Variants in DTD1 observed in about 807,000 individuals in gnomAD.
DTD1 encodes the protein D-tyrosyl-tRNA deacylase 1 homolog.
In DTD1, 13 loss-of-function variants were observed where a neutral mutation model predicts 25.6. That is an observed-to-expected ratio of 0.51 (90% CI 0.33 to 0.81). The LOEUF is 0.81. DTD1 is among the 30% of genes least tolerant of loss of function. DTD1 has a pLI of 0.02. For missense variants in DTD1, 193 were observed against 266.4 expected (o/e 0.72, Z 1.92); for synonymous variants, 110 against 103.6 (o/e 1.06, Z -0.37).
At chr20:18,748,193 A>T (rs980087003) in intron 5 of DTD1, among the ~76,000 whole-genome samples, 2 of 152,114 alleles carry the variant, frequency 1.3e-5, no homozygotes, top group Admixed American at 1.3e-4. Flanking sequence ...ACACACACAC[A>T]CACACAAATA....
chr20:18,710,239 A>G (rs1048441215), intron 4 of DTD1, among the ~76,000 whole-genome samples: 2 of 152,200 alleles, frequency 1.3e-5, no homozygotes, highest in African/African-American at 4.8e-5. Flanking sequence ...GTCTTATCCT[A>G]ATAAAATTTT....
At chr20:18,588,866 C>T in intron 1 of DTD1, 3 of 985,226 alleles carry the variant, frequency 3.0e-6, no homozygotes, top group Non-Finnish European at 3.6e-6. Context: ...ATAAAGTAGT[C>T]GTTTTAAGAA....
chr20:18,591,503 T>G (rs932130786), intron 1 of DTD1, among the ~76,000 whole-genome samples: 13 of 152,162 alleles, frequency 8.5e-5, no homozygotes, highest in Admixed American at 4.6e-4. Flanking sequence ...TATGCAATAT[T>G]ATTATAAAAA....
intron 4 of DTD1, chr20:18,698,484 G>GCAT (rs1237394814): frequency 6.6e-6 from 1 of 152,236 alleles, no homozygotes; most frequent in African/African-American, 2.4e-5. Context: ...CATGCGTTAA[G>GCAT]CATCCCCTGT....
chr20:18,740,630 G>A (rs1382521734), intron 4 of DTD1, among the ~76,000 whole-genome samples: 1 of 152,186 alleles, frequency 6.6e-6, no homozygotes, highest in Non-Finnish European at 1.5e-5. Flanking sequence ...GGGGAGTCTA[G>A]CATGGATTGC....
chr20:18,591,708 A>T (rs1019798930), intron 1 of DTD1, among the ~76,000 whole-genome samples: 3 of 152,216 alleles, frequency 2.0e-5, no homozygotes, highest in African/African-American at 7.2e-5. Flanking sequence ...ATTTTTTAAA[A>T]CATACTTTGG....
intron 4 of DTD1, among the ~76,000 whole-genome samples, chr20:18,670,249 A>C (rs191272044): frequency 2.4e-3 from 363 of 152,284 alleles, no homozygotes; most frequent in African/African-American, 8.1e-3. Context: ...TGAGGTTAGG[A>C]GTTCGAGACC....
chr20:18,728,166 A>T (rs2061228923), intron 4 of DTD1, among the ~76,000 whole-genome samples: 1 of 152,092 alleles, frequency 6.6e-6, no homozygotes, highest in African/African-American at 2.4e-5. Context: ...GGCCTTGTCT[A>T]CTTGCTGAAT....
At chr20:18,662,718 A>G (rs2060916051) in intron 4 of DTD1, among the ~76,000 whole-genome samples, 1 of 152,140 alleles carries the variant, frequency 6.6e-6, no homozygotes, top group African/African-American at 2.4e-5. Context: ...TTCCAAAGGG[A>G]TAATAGGAGA....
In DTD1 at chr20:18,764,457, T is replaced by G. The variant is rs2061374113; in HGVS notation, c.*1117T>G. 1 of 152,260 alleles carries G rather than the reference T, an allele frequency of 6.6e-6. No individual in the cohort carries two copies. Among genetic ancestry groups the G allele is most frequent in the Non-Finnish European group, 1.5e-5 (1 of 68,052 alleles). 9.4% of individuals were successfully genotyped at this position (152,260 alleles called of 1,614,324 possible). A position where few individuals can be genotyped will look rare whatever the true frequency, so the allele number is the denominator to read the frequency against. ...TAATAACGCTCGCATATATGCTCTC[T>G]GGAAAATATTTTTGTATATAGAAGA... On this transcript the variant is annotated 3_prime_UTR_variant, in exon 6 of 6. Coordinates refer to ENST00000377452, the MANE Select transcript of DTD1 (RefSeq NM_080820.6).
At chr20:18,612,442 T>G (rs975089432) in intron 3 of DTD1, among the ~76,000 whole-genome samples, 2 of 152,060 alleles carry the variant, frequency 1.3e-5, no homozygotes, top group Non-Finnish European at 2.9e-5. Flanking sequence ...ATTCTTTATC[T>G]CGTTGAATAC....
At chr20:18,671,959 C>T (rs909147222) in intron 4 of DTD1, among the ~76,000 whole-genome samples, 7 of 152,154 alleles carry the variant, frequency 4.6e-5, no homozygotes, top group Non-Finnish European at 7.3e-5. Flanking sequence ...GCTGGCTGGG[C>T]GCAGTAGTTC....
intron 4 of DTD1, among the ~76,000 whole-genome samples, chr20:18,738,275 A>C (rs913751108): frequency 6.6e-5 from 10 of 152,328 alleles, no homozygotes; most frequent in African/African-American, 2.4e-4. Flanking sequence ...AGCAGGCTGC[A>C]AAACCTTAAG....
chr20:18,676,117 C>G (rs1453643382), intron 4 of DTD1, among the ~76,000 whole-genome samples: 1 of 152,152 alleles, frequency 6.6e-6, no homozygotes, highest in Non-Finnish European at 1.5e-5. Context: ...GTGAACTGTA[C>G]TGTGTACTGA....
chr20:18,680,209 C>T (rs1038960428), intron 4 of DTD1, among the ~76,000 whole-genome samples: 2 of 152,014 alleles, frequency 1.3e-5, no homozygotes, highest in Non-Finnish European at 1.5e-5. Context: ...ATTTTATTCA[C>T]GGTCTCATTG....
At chr20:18,663,480 T>C (rs2060919490) in intron 4 of DTD1, among the ~76,000 whole-genome samples, 1 of 152,248 alleles carries the variant, frequency 6.6e-6, no homozygotes, top group South Asian at 2.1e-4. Context: ...CACATAATGA[T>C]GTTTGGTTAA....
chr20:18,593,374 T>C (rs2060597926), intron 1 of DTD1, among the ~76,000 whole-genome samples: 1 of 152,192 alleles, frequency 6.6e-6, no homozygotes, highest in African/African-American at 2.4e-5. Flanking sequence ...ATAGCTGAGC[T>C]GGCTTCTCTG....
chr20:18,754,347 C>T (rs2061331263), intron 5 of DTD1, among the ~76,000 whole-genome samples: 1 of 152,210 alleles, frequency 6.6e-6, no homozygotes, highest in Non-Finnish European at 1.5e-5. Flanking sequence ...GTTCCCCTAG[C>T]TTCTTTCATA....
At chr20:18,627,439 G>C (rs1379891060) in intron 3 of DTD1, among the ~76,000 whole-genome samples, 1 of 152,216 alleles carries the variant, frequency 6.6e-6, no homozygotes, top group Non-Finnish European at 1.5e-5. Flanking sequence ...CTTCCAGAAT[G>C]CTCTGTGTTT....
Sources: allele counts gnomAD v4.1 joint callset (sites outside exome capture counted in the v4.1 genomes callset), GRCh38; gene constraint gnomAD v4.1.1; transcripts MANE v1.5; gene names NCBI Gene and HGNC (gene_info 2026-07-23, HGNC 2026-07-21).